The following TCHP variants were observed in gnomAD, a reference collection of about 807,000 sequenced individuals.
The protein encoded by TCHP is trichoplein keratin filament-binding protein.
In TCHP, 81 loss-of-function variants were observed where a neutral mutation model predicts 88.7. The observed-to-expected ratio is 0.91, with a 90% CI of 0.76 to 1.10. The LOEUF (loss-of-function observed/expected upper bound fraction) is 1.10. TCHP is among the 50% of genes least tolerant of loss of function. The probability of loss-of-function intolerance (pLI) is 0.00; values close to 1 mark genes in which losing one functional copy is unlikely to be tolerated. For missense variants in TCHP, 641 were observed against 632.1 expected, an observed-to-expected ratio of 1.01 and a Z score of -0.15; for synonymous variants, 232 against 232.5, an observed-to-expected ratio of 1.00 and a Z score of 0.02.
intron 3 of TCHP, 33 bp from the exon 4 acceptor site, chr12:109,904,704 C>T (rs151249379): frequency 6.2e-7 from 1 of 1,601,640 alleles, no homozygotes; most frequent in East Asian, 2.2e-5. Flanking sequence ...TGAAAAATGA[C>T]ATCAGGCTTT....
chr12:109,902,683 CG>C (rs1869872898), intron 1 of TCHP, among the ~76,000 whole-genome samples: 1 of 152,090 alleles, frequency 6.6e-6, no homozygotes, highest in Non-Finnish European at 1.5e-5. Flanking sequence ...ACTATGTTGG[CG>C]CAGCTGGTCT....
At position 109,903,552 on chromosome 12, in the gene TCHP, TATAGAA is replaced by T. The variant is rs751517025; in HGVS notation, c.188+342_188+347del. Among the ~76,000 whole-genome samples, 1 of 152,168 alleles carries T rather than the reference TATAGAA, an allele frequency of 6.6e-6. No homozygotes were observed. Among genetic ancestry groups the T allele is most frequent in the Non-Finnish European group, 1.5e-5 (1 of 68,036 alleles). On this transcript the variant is annotated intron_variant, in intron 2 of 12. Coordinates refer to ENST00000405876, the MANE Select transcript of TCHP (RefSeq NM_001143852.2). This position sits in a 1 kb window ranked among gnomAD's most constrained non-coding sequence, Gnocchi z 4.6. ...AAATATACACACACAAAGCTACTTTTATAGAAATACGTGTAAAAACATGGAGGCCAA... is the reference window on the plus strand; with the variant it reads ...AAATATACACACACAAAGCTACTTTTATACGTGTAAAAACATGGAGGCCAA...
intron 8 of TCHP, among the ~76,000 whole-genome samples, 169 bp downstream of exon 8, chr12:109,909,106 A>G (rs1288552932): frequency 6.6e-6 from 1 of 152,194 alleles, no homozygotes; most frequent in Non-Finnish European, 1.5e-5. Context: ...ATCTGGGAGT[A>G]GTGTCCATCA....
rs141514320 is a variant in TCHP at position 109,915,538 on chromosome 12, C to T, written c.1456C>T (p.Arg486Trp). 172 of 1,612,844 alleles carry T rather than the reference C, an allele frequency of 1.1e-4. 1 individual carries two copies. The highest frequency in any genetic ancestry group is 9.1e-4 in the East Asian group (41 of 44,858). The change falls in exon 12 of 13, where the codon CGG becomes TGG. Residue 486 changes from arginine (R) to tryptophan (W), a missense_variant. Coordinates refer to ENST00000405876, the MANE Select transcript of TCHP (RefSeq NM_001143852.2). Reference protein sequence around the residue: ...EAETMAEQGYRPKPYGHPKIA... With the variant: ...EAETMAEQGYWPKPYGHPKIA... ...GGAGACTATGGCTGAGCAGGGCTAC[C>T]GGCCTAAGGTAGGAAGTCTGCCAGG...
rs754743019 is a variant in TCHP, at chr12:109,903,235, G to A, written c.188+21G>A. On this transcript the variant is annotated intron_variant, in intron 2 of 12. Transcript: ENST00000405876. The surrounding 1 kb of genome is among the most constrained non-coding windows in gnomAD (Gnocchi z 4.6). ...CGGAGGTAATTGTGCGGTAACTGCC[G>A]ATTGGATGGAAGTGGGGACCACTTG... 7 of 1,596,386 alleles carry A rather than the reference G, an allele frequency of 4.4e-6. No individual in the cohort carries two copies. The highest frequency in any genetic ancestry group is 1.7e-5 in the Admixed American group (1 of 59,658).
intron 10 of TCHP, among the ~76,000 whole-genome samples, chr12:109,913,439 A>G (rs1870621528): frequency 6.6e-6 from 1 of 152,158 alleles, no homozygotes; most frequent in Non-Finnish European, 1.5e-5. Flanking sequence ...CAGGGGCTGT[A>G]TCACGGACTG....
intron 6 of TCHP, 24 bp downstream of exon 6, chr12:109,907,723 G>A (rs367770265): frequency 3.5e-5 from 55 of 1,572,790 alleles, no homozygotes; most frequent in South Asian, 3.4e-5. Context: ...CCTCTCAGCC[G>A]TGACCTCCTC....
the TCHP span, among the ~76,000 whole-genome samples, chr12:109,889,585 G>A: frequency 2.0e-5 from 3 of 152,176 alleles, no homozygotes; most frequent in Non-Finnish European, 4.4e-5. Context: ...CTTCTCCTGT[G>A]TGTGTGTAAA....
chr12:109,894,719 C>T, the TCHP span, among the ~76,000 whole-genome samples: 35 of 139,600 alleles, frequency 2.5e-4, no homozygotes, highest in African/African-American at 9.6e-4. Context: ...GAGCCAAGAT[C>T]GCGCCATTGC....
At chr12:109,910,602 G>T (rs1870428515) in intron 8 of TCHP, among the ~76,000 whole-genome samples, 1 of 152,172 alleles carries the variant, frequency 6.6e-6, no homozygotes, top group Admixed American at 6.5e-5. Context: ...CCAGCCTCCT[G>T]CATTATTTTA....
upstream of TCHP, among the ~76,000 whole-genome samples, chr12:109,899,984 A>G (rs888034312): frequency 3.9e-5 from 6 of 152,102 alleles, no homozygotes; most frequent in Non-Finnish European, 8.8e-5. Context: ...TTTTAGAGAC[A>G]GGAGTCCCTC....
the TCHP span, among the ~76,000 whole-genome samples, chr12:109,886,704 G>GTTTGTTT: frequency 2.0e-5 from 3 of 151,458 alleles, no homozygotes; most frequent in Non-Finnish European, 4.4e-5. Flanking sequence ...AGATTTTTTT[G>GTTTGTTT]TTTGTTTTTT....
chr12:109,913,285 C>T (rs989864787), intron 10 of TCHP, among the ~76,000 whole-genome samples: 1 of 152,172 alleles, frequency 6.6e-6, no homozygotes, highest in African/African-American at 2.4e-5. Flanking sequence ...CCCCAGAGCC[C>T]ATCCTGTATG....
rs1245743110 is a variant in TCHP at position 109,905,692 on chromosome 12, G to A, written c.457-880G>A. ...TTATTCGTAGTTACATTTAGAAATCGCCAGGCACTAAATAATGGAACATCT... is the reference window on the plus strand; with the variant it reads ...TTATTCGTAGTTACATTTAGAAATCACCAGGCACTAAATAATGGAACATCT... On this transcript the variant is annotated intron_variant, in intron 4 of 12. Transcript: ENST00000405876. This position sits in a 1 kb window ranked among gnomAD's most constrained non-coding sequence, Gnocchi z 4.0. Among the ~76,000 whole-genome samples, 3 of 152,134 alleles carry A rather than the reference G, an allele frequency of 2.0e-5. No individual in the cohort carries two copies. The highest frequency in any genetic ancestry group is 1.9e-4 in the East Asian group (1 of 5,192).
At chr12:109,890,565 A>G in the TCHP span, among the ~76,000 whole-genome samples, 1 of 148,566 alleles carries the variant, frequency 6.7e-6, no homozygotes, top group African/African-American at 2.5e-5. Context: ...GCTGGAGTGC[A>G]GTGGCGTGAC....
upstream of TCHP, among the ~76,000 whole-genome samples, chr12:109,899,953 C>G (rs1172588017): frequency 6.6e-6 from 1 of 152,044 alleles, no homozygotes; most frequent in African/African-American, 2.4e-5. Flanking sequence ...TCCCACCATG[C>G]CCGGTTAAGT....
In TCHP at chr12:109,912,074, G is replaced by C. The variant is rs554096308; in HGVS notation, c.1052+839G>C. Among the ~76,000 whole-genome samples, 4 of 152,198 alleles carry C rather than the reference G, an allele frequency of 2.6e-5. No homozygotes were observed. In the East Asian group the frequency reaches 7.7e-4, roughly 29 times the overall value. On this transcript the variant is annotated intron_variant, in intron 9 of 12. Transcript: ENST00000405876. ...CTCCCAAAGTGCTGGGATTACAGGC[G>C]TGAGCCACTATGCCCAGCCAGAAGG... is the stretch of plus-strand genomic sequence containing the variant.
At chr12:109,902,098 G>A (rs1464282986) in intron 1 of TCHP, among the ~76,000 whole-genome samples, 1 of 152,184 alleles carries the variant, frequency 6.6e-6, no homozygotes, top group East Asian at 1.9e-4. Context: ...AGCAATCTTA[G>A]GACAATCCCT....
At chr12:109,895,234 G>A in the TCHP span, among the ~76,000 whole-genome samples, 2 of 140,816 alleles carry the variant, frequency 1.4e-5, no homozygotes, top group Non-Finnish European at 3.0e-5. Context: ...TTCAGAGACA[G>A]TGTCTCATTC....
Sources: gnomAD v4.1 joint callset for allele counts (sites outside exome capture counted in the v4.1 genomes callset) on GRCh38, gnomAD v4.1.1 for gene constraint, Gnocchi (gnomAD v3.1) non-coding constraint, MANE v1.5 for transcripts, NCBI Gene and HGNC (gene_info 2026-07-23, HGNC 2026-07-21) for gene names.